The following ITPR2 variants were observed in gnomAD, a reference collection of about 807,000 sequenced individuals.
ITPR2 encodes inositol 1,4,5-trisphosphate receptor type 2.
In ITPR2, 207 loss-of-function variants were observed where a neutral mutation model predicts 317.1. The observed-to-expected ratio is 0.65, with a 90% CI of 0.58 to 0.73. The LOEUF (loss-of-function observed/expected upper bound fraction) is 0.73. Ranked by LOEUF, ITPR2 falls within the 30% of genes least tolerant of loss-of-function variation. ITPR2 has a pLI of 0.00. For synonymous variants in ITPR2, 1,156 were observed against 1,149.1 expected (o/e 1.01, Z -0.12); for missense variants, 2,613 against 3,284.0 (o/e 0.80, Z 4.99).
intron 21 of ITPR2, among the ~76,000 whole-genome samples, chr12:26,635,582 T>C (rs1237079781): frequency 1.3e-5 from 2 of 152,168 alleles, no homozygotes; most frequent in Non-Finnish European, 2.9e-5. Context: ...AGGCCAAAAA[T>C]GGATAATCCA....
At chr12:26,680,656 A>G (rs1461341625) in intron 13 of ITPR2, among the ~76,000 whole-genome samples, 1 of 152,182 alleles carries the variant, frequency 6.6e-6, no homozygotes, top group Non-Finnish European at 1.5e-5. Context: ...CACCCAATCC[A>G]TTTGTTAAAT....
chr12:26,676,477 T>TAA (rs75516235), intron 13 of ITPR2, among the ~76,000 whole-genome samples: 18,977 of 131,334 alleles, frequency 0.14, 1,658 homozygotes, highest in Non-Finnish European at 0.21. Flanking sequence ...ACTCTGTCTC[T>TAA]AAAAAAAAAA....
chr12:26,367,866 C>A (rs1939057786), intron 55 of ITPR2, among the ~76,000 whole-genome samples: 1 of 152,178 alleles, frequency 6.6e-6, no homozygotes, highest in Non-Finnish European at 1.5e-5. Flanking sequence ...CAACAAATTT[C>A]TAGTCCTTCT....
intron 13 of ITPR2, among the ~76,000 whole-genome samples, chr12:26,678,951 A>G (rs899260094): frequency 2.0e-5 from 3 of 152,234 alleles, no homozygotes; most frequent in Non-Finnish European, 4.4e-5. Context: ...AATGCTTAGC[A>G]AGGGAGACTT....
In ITPR2 at chr12:26,787,944, G is replaced by C. The variant is rs547477441; in HGVS notation, c.163+2213C>G. Among the ~76,000 whole-genome samples, 392 of 113,034 alleles carry C rather than the reference G, an allele frequency of 3.5e-3. 3 individuals are homozygous for C. Among genetic ancestry groups the C allele is most frequent in the African/African-American group, 6.6e-3 (202 of 30,578 alleles). The allele number at this position is 113,034 out of a possible 152,430, so 74.2% of individuals were successfully genotyped here. A position where few individuals can be genotyped will look rare whatever the true frequency, so the allele number is the denominator to read the frequency against. On this transcript the variant is annotated intron_variant, in intron 2 of 56. Coordinates refer to ENST00000381340, the MANE Select transcript of ITPR2 (RefSeq NM_002223.4). ...ATCCTTTTTTTTTTTTTTTTTTTGA[G>C]ATGAAGTTTCGCTTTTGTTGCCCAG...
intron 13 of ITPR2, among the ~76,000 whole-genome samples, chr12:26,671,423 C>G (rs1465739844): frequency 6.6e-6 from 1 of 152,064 alleles, no homozygotes; most frequent in Admixed American, 6.5e-5. Flanking sequence ...GAATTTTCAA[C>G]CCAGAATTTC....
At chr12:26,541,404 A>G (rs1944257911) in intron 37 of ITPR2, among the ~76,000 whole-genome samples, 1 of 152,220 alleles carries the variant, frequency 6.6e-6, no homozygotes, top group African/African-American at 2.4e-5. Context: ...TTGCAGCATC[A>G]CTAATATTTG....
chr12:26,436,515 C>T (rs375689662), intron 47 of ITPR2, among the ~76,000 whole-genome samples, 169 bp from the exon 48 acceptor site: 2 of 152,096 alleles, frequency 1.3e-5, no homozygotes, highest in African/African-American at 2.4e-5. Flanking sequence ...ACAATCAGAA[C>T]CATAAAGGAG....
intron 8 of ITPR2, among the ~76,000 whole-genome samples, chr12:26,713,356 T>A (rs2137026985): frequency 6.6e-6 from 1 of 152,204 alleles, no homozygotes; most frequent in East Asian, 1.9e-4. Flanking sequence ...CAGCACACAA[T>A]AGAGAAAAGT....
chr12:26,495,044 T>TA lies in ITPR2; in HGVS notation c.5182+107dup, dbSNP rs1468369816. The TA allele has an allele frequency of 4.3e-6, 3 of 698,578 alleles. No homozygotes were observed. In the African/African-American group the frequency reaches 5.4e-5, roughly 13 times the overall value. 43.3% of individuals were successfully genotyped at this position (698,578 alleles called of 1,614,324 possible). ...TATGAAAGTTTTTAACAGTGATTTTTAAATGACTCTTTTATATATCTGCCA... is the reference window on the plus strand; with the variant it reads ...TATGAAAGTTTTTAACAGTGATTTTTAAAATGACTCTTTTATATATCTGCCA... On this transcript the variant is annotated intron_variant, in intron 38 of 56. Transcript: ENST00000381340.
intron 37 of ITPR2, among the ~76,000 whole-genome samples, chr12:26,497,248 G>T (rs772524550): frequency 3.3e-5 from 5 of 150,910 alleles, no homozygotes; most frequent in Admixed American, 6.6e-5. Flanking sequence ...CCGCCTCCTG[G>T]GTTCATGCCA....
intron 21 of ITPR2, among the ~76,000 whole-genome samples, chr12:26,651,041 C>A (rs1235963873): frequency 1.3e-5 from 2 of 152,242 alleles, no homozygotes; most frequent in Non-Finnish European, 2.9e-5. Context: ...TTATTATTCT[C>A]TTTCTGAATG....
intron 13 of ITPR2, among the ~76,000 whole-genome samples, chr12:26,674,475 G>A (rs1256653896): frequency 6.6e-6 from 1 of 152,104 alleles, no homozygotes; most frequent in African/African-American, 2.4e-5. Flanking sequence ...AATGGTGCTG[G>A]GAAAACTGGC....
intron 52 of ITPR2, among the ~76,000 whole-genome samples, chr12:26,401,946 C>A (rs913521436): frequency 1.3e-5 from 2 of 152,192 alleles, no homozygotes; most frequent in African/African-American, 4.8e-5. Context: ...AAGACATTGG[C>A]AGAATCTGTG....
At chr12:26,458,896 G>C (rs1941949946) in intron 45 of ITPR2, among the ~76,000 whole-genome samples, 1 of 152,146 alleles carries the variant, frequency 6.6e-6, no homozygotes, top group African/African-American at 2.4e-5. Flanking sequence ...CCTCGCCACA[G>C]CTCCCGACCC....
chr12:26,468,142 T>C (rs892284407), intron 45 of ITPR2, among the ~76,000 whole-genome samples: 5 of 152,186 alleles, frequency 3.3e-5, no homozygotes, highest in African/African-American at 1.2e-4. Flanking sequence ...TTGCTGGCTG[T>C]ATTTTATCTA....
At chr12:26,745,503 C>G (rs1249268754) in intron 2 of ITPR2, among the ~76,000 whole-genome samples, 1 of 152,184 alleles carries the variant, frequency 6.6e-6, no homozygotes, top group Non-Finnish European at 1.5e-5. Flanking sequence ...CAATTGCTAC[C>G]AAGACAGCTG....
intron 53 of ITPR2, 36 bp from the exon 54 acceptor site, chr12:26,399,077 A>G: frequency 6.9e-7 from 1 of 1,453,114 alleles, no homozygotes; most frequent in Non-Finnish European, 9.2e-7. Flanking sequence ...CACACTAGGC[A>G]TAGTGATTGA....
rs1943499154 is a variant in ITPR2 at position 26,516,270 on chromosome 12, A to AGGAAAGGAAAGGAAG, written c.5074-21011_5074-21010insCTTCCTTTCCTTTCC. Among the ~76,000 whole-genome samples the AGGAAAGGAAAGGAAG allele has an allele frequency of 3.8e-4, 15 of 38,986 alleles. 2 individuals carry two copies. The highest frequency in any genetic ancestry group is 1.3e-3 in the East Asian group (2 of 1,508). 25.6% of individuals were successfully genotyped at this position (38,986 alleles called of 152,430 possible). On this transcript the variant is annotated intron_variant, in intron 37 of 56. Transcript: ENST00000381340. ...AGGAAAGGAAAGGAAAGGAAAGGAAAGGAAGGGAAGGGAAGGGAAAGGAAA... is the reference window on the plus strand; with the variant it reads ...AGGAAAGGAAAGGAAAGGAAAGGAAAGGAAAGGAAAGGAAGGGAAGGGAAGGGAAGGGAAAGGAAA...
Sources: allele counts gnomAD v4.1 joint callset (sites outside exome capture counted in the v4.1 genomes callset), GRCh38; gene constraint gnomAD v4.1.1; transcripts MANE v1.5; gene names NCBI Gene and HGNC (gene_info 2026-07-23, HGNC 2026-07-21).